IMMP2L: variants seen among roughly 807,000 people sequenced by gnomAD.
The protein encoded by IMMP2L is mitochondrial inner membrane protease subunit 2.
A neutral mutation model predicts 19.3 loss-of-function variants in IMMP2L; 18 were observed. The ratio of observed to expected loss-of-function variants is 0.93; its 90% CI spans 0.64 to 1.38. The LOEUF (loss-of-function observed/expected upper bound fraction) is 1.38, where lower values mean the gene tolerates loss of function less well. Ranked by LOEUF, IMMP2L falls within the 40% of genes most tolerant of loss-of-function variation. IMMP2L has a pLI of 0.00. For missense variants in IMMP2L, 233 were observed against 218.2 expected (o/e 1.07, Z -0.43); for synonymous variants, 76 against 73.0 (o/e 1.04, Z -0.21).
intron 3 of IMMP2L, among the ~76,000 whole-genome samples, chr7:111,336,975 T>C (rs911968754): frequency 2.6e-5 from 4 of 151,978 alleles, no homozygotes; most frequent in Non-Finnish European, 5.9e-5. Flanking sequence ...AAGCATCATA[T>C]ATATTTAATG....
chr7:110,807,445 A>G (rs1381384569), intron 5 of IMMP2L, among the ~76,000 whole-genome samples: 3 of 152,028 alleles, frequency 2.0e-5, no homozygotes, highest in Admixed American at 1.3e-4. Flanking sequence ...AAAACAAGTG[A>G]CAAATCATCC....
intron 3 of IMMP2L, among the ~76,000 whole-genome samples, chr7:111,225,626 C>G (rs1345491375): frequency 7.3e-6 from 1 of 136,578 alleles, no homozygotes; most frequent in African/African-American, 2.8e-5. Context: ...AAGAATGTCA[C>G]AATTATCCAT....
intron 3 of IMMP2L, among the ~76,000 whole-genome samples, chr7:111,421,425 A>G (rs1585035907): frequency 1.3e-5 from 2 of 150,546 alleles, no homozygotes; most frequent in East Asian, 3.9e-4. Flanking sequence ...GCCCGCCATC[A>G]TGCCCGGCTA....
chr7:110,980,227 C>CCTTTT (rs1821132358), intron 3 of IMMP2L, among the ~76,000 whole-genome samples: 1 of 91,904 alleles, frequency 1.1e-5, no homozygotes, highest in Non-Finnish European at 2.0e-5. Flanking sequence ...TGTGCTGCTT[C>CCTTTT]TTTTTTTTTT....
At chr7:110,987,225 A>T (rs1821954738) in intron 3 of IMMP2L, among the ~76,000 whole-genome samples, 1 of 152,218 alleles carries the variant, frequency 6.6e-6, no homozygotes, top group South Asian at 2.1e-4. Flanking sequence ...TAAAGATGTC[A>T]AGGAAGAAAA....
chr7:110,747,612 G>A (rs540214736), intron 5 of IMMP2L, among the ~76,000 whole-genome samples: 7 of 152,182 alleles, frequency 4.6e-5, no homozygotes, highest in African/African-American at 1.4e-4. Flanking sequence ...ATCAATAAAC[G>A]TAATCCATGA....
In IMMP2L at chr7:110,663,547, A is replaced by G. The variant is rs1271781071; in HGVS notation, c.*55T>C. On this transcript the variant is annotated 3_prime_UTR_variant, in exon 6 of 6. Transcript: ENST00000405709. Reference sequence around the variant, plus strand: ...TCCCTTTTGGAGGCTTCTTTTTTCCATTCCTTTCCAGTAACTGGCCTCCCA... The same window carrying G: ...TCCCTTTTGGAGGCTTCTTTTTTCCGTTCCTTTCCAGTAACTGGCCTCCCA... The G allele has an allele frequency of 2.5e-6, 4 of 1,583,162 alleles. No homozygotes were observed. The highest frequency in any genetic ancestry group is 1.4e-5 in the African/African-American group (1 of 73,882).
At chr7:111,226,247 A>G (rs1306499440) in intron 3 of IMMP2L, among the ~76,000 whole-genome samples, 1 of 151,932 alleles carries the variant, frequency 6.6e-6, no homozygotes, top group Admixed American at 6.6e-5. Flanking sequence ...TCGACCTCCC[A>G]GATTCAACCA....
intron 5 of IMMP2L, among the ~76,000 whole-genome samples, chr7:110,752,704 A>G (rs1456271159): frequency 1.3e-5 from 2 of 152,044 alleles, no homozygotes; most frequent in African/African-American, 4.8e-5. Flanking sequence ...CAGCCAATCA[A>G]AGAAGAAACC....
At chr7:111,311,378 T>C (rs757216536) in intron 3 of IMMP2L, among the ~76,000 whole-genome samples, 2 of 151,906 alleles carry the variant, frequency 1.3e-5, no homozygotes, top group Non-Finnish European at 2.9e-5. Context: ...CCCCATAAGG[T>C]CACACTTTGA....
intron 3 of IMMP2L, among the ~76,000 whole-genome samples, chr7:111,328,693 G>A (rs1377097296): frequency 2.0e-5 from 3 of 151,806 alleles, no homozygotes; most frequent in African/African-American, 7.2e-5. Flanking sequence ...TGAAGGGCAA[G>A]AGAGAGAGAT....
At position 111,314,181 on chromosome 7, in the gene IMMP2L, A is replaced by G. The variant is rs138821852; in HGVS notation, c.239+173057T>C. On this transcript the variant is annotated intron_variant, in intron 3 of 5. Transcript: ENST00000405709. ...GGTATTTCTCTATAGCAATGTGAGAATAGCCTAATACAGGCGGCTTCAGGG... is the reference window on the plus strand; with the variant it reads ...GGTATTTCTCTATAGCAATGTGAGAGTAGCCTAATACAGGCGGCTTCAGGG... Among the ~76,000 whole-genome samples, 879 of 152,276 alleles carry G rather than the reference A, an allele frequency of 5.8e-3. 15 individuals are homozygous for G. Among genetic ancestry groups the G allele is most frequent in the African/African-American group, 0.019 (810 of 41,568 alleles).
At chr7:111,446,717 G>C (rs1003365879) in intron 3 of IMMP2L, among the ~76,000 whole-genome samples, 1 of 152,242 alleles carries the variant, frequency 6.6e-6, no homozygotes, top group South Asian at 2.1e-4. Context: ...GAATGATTTC[G>C]ATGAGCTAAG....
At chr7:111,241,291 C>A (rs1814998379) in intron 3 of IMMP2L, among the ~76,000 whole-genome samples, 1 of 151,832 alleles carries the variant, frequency 6.6e-6, no homozygotes, top group African/African-American at 2.4e-5. Context: ...TAAAATAGAT[C>A]TTTACCCAAA....
chr7:110,947,298 G>A (rs895234653), intron 4 of IMMP2L, among the ~76,000 whole-genome samples: 17 of 152,016 alleles, frequency 1.1e-4, no homozygotes, highest in Non-Finnish European at 1.5e-4. Context: ...GATGTTGCAG[G>A]TTTTAATAAA....
At chr7:110,950,917 T>C (rs551541539) in intron 4 of IMMP2L, among the ~76,000 whole-genome samples, 2 of 147,724 alleles carry the variant, frequency 1.4e-5, no homozygotes, top group African/African-American at 5.0e-5. Context: ...CAAATATATA[T>C]ATATATGAAC....
At chr7:111,151,802 G>C (rs1280585480) in intron 3 of IMMP2L, among the ~76,000 whole-genome samples, 1 of 152,036 alleles carries the variant, frequency 6.6e-6, no homozygotes, top group African/African-American at 2.4e-5. Flanking sequence ...AGCTGGGCGT[G>C]GTGCATGCCT....
At chr7:111,084,530 T>C (rs1363334647) in intron 3 of IMMP2L, among the ~76,000 whole-genome samples, 1 of 152,008 alleles carries the variant, frequency 6.6e-6, no homozygotes, top group Admixed American at 6.6e-5. Context: ...AGCACTGATA[T>C]AGGTTTGAAA....
chr7:111,214,331 CTTTTTTTTTT>C lies in IMMP2L; in HGVS notation c.240-250776_240-250767del, dbSNP rs1169450523. On this transcript the variant is annotated intron_variant, in intron 3 of 5. Transcript: ENST00000405709. Reference sequence around the variant, plus strand: ...AATGAATGACAAAGTAATTTTTCTTCTTTTTTTTTTTTTTTTTTTTTTTTTTTGAGACAGG... The same window carrying C: ...AATGAATGACAAAGTAATTTTTCTTCTTTTTTTTTTTTTTTTTGAGACAGG... Among the ~76,000 whole-genome samples, 13 of 82,196 alleles carry C rather than the reference CTTTTTTTTTT, an allele frequency of 1.6e-4. 1 individual carries two copies. The highest frequency in any genetic ancestry group is 6.9e-4 in the African/African-American group (13 of 18,824). 53.9% of individuals were successfully genotyped at this position (82,196 alleles called of 152,430 possible).
Sources: allele counts gnomAD v4.1 joint callset (sites outside exome capture counted in the v4.1 genomes callset), GRCh38; gene constraint gnomAD v4.1.1; transcripts MANE v1.5; gene names NCBI Gene and HGNC (gene_info 2026-07-23, HGNC 2026-07-21).